Variants in GSE1 observed in about 807,000 individuals in gnomAD.
The protein encoded by GSE1 is Gse1 coiled-coil protein.
GSE1 carries 32 observed loss-of-function variants against 112.6 expected under a neutral mutation model. That is an observed-to-expected ratio of 0.28 (90% confidence interval 0.21 to 0.38). The LOEUF is 0.38. GSE1 is among the 10% of genes least tolerant of loss of function. GSE1 has a pLI of 1.00. For missense variants in GSE1, 2,348 were observed against 1,699.2 expected, an observed-to-expected ratio of 1.38 and a Z score of -6.71; for synonymous variants, 1,115 against 735.6, an observed-to-expected ratio of 1.52 and a Z score of -8.35.
At chr16:85,445,751 G>C (rs1334883643) in intron 2 of GSE1, among the ~76,000 whole-genome samples, 1 of 152,160 alleles carries the variant, frequency 6.6e-6, no homozygotes, top group East Asian at 1.9e-4. Context: ...GCTCCCCCCA[G>C]CCGCCCTGGT....
chr16:85,483,756 G>T (rs529428812), intron 2 of GSE1, among the ~76,000 whole-genome samples: 1 of 152,272 alleles, frequency 6.6e-6, no homozygotes, highest in Non-Finnish European at 1.5e-5. Context: ...CAGCAGGCTC[G>T]GTGCTTGCCG....
chr16:85,478,915 CT>C (rs1287650370), intron 2 of GSE1, among the ~76,000 whole-genome samples: 1 of 51,290 alleles, frequency 1.9e-5, no homozygotes, highest in African/African-American at 1.1e-4. Context: ...TTCTTTCTTT[CT>C]TTCTTTCTTT....
intron 2 of GSE1, among the ~76,000 whole-genome samples, chr16:85,477,044 G>A (rs1428066497): frequency 2.0e-5 from 3 of 150,694 alleles, no homozygotes; most frequent in Admixed American, 1.3e-4. Flanking sequence ...ACCTGCCTCA[G>A]CCTCCCTAGT....
chr16:85,638,286 G>A (rs2050167201), intron 2 of GSE1, among the ~76,000 whole-genome samples: 1 of 152,318 alleles, frequency 6.6e-6, no homozygotes, highest in South Asian at 2.1e-4. Flanking sequence ...CCCTCGCTGG[G>A]ATTTATTTTT....
chr16:85,526,467 G>T (rs912659449), intron 2 of GSE1, among the ~76,000 whole-genome samples: 10 of 152,268 alleles, frequency 6.6e-5, no homozygotes, highest in African/African-American at 2.4e-4. Flanking sequence ...ATCCAGGGCA[G>T]GGTGGTCTGG....
At chr16:85,331,065 G>T (rs569907160) in intron 1 of GSE1, among the ~76,000 whole-genome samples, 83 of 152,194 alleles carry the variant, frequency 5.5e-4, no homozygotes, top group African/African-American at 1.9e-3. Flanking sequence ...CTGAGCTCAG[G>T]CGCTCCTCTG....
In GSE1 at chr16:85,655,011, C is replaced by A. The variant is rs763658999; in HGVS notation, c.797+20C>A. ...CTTCAGGTGAGGCATCCCCCACGCG[C>A]CCTCTCGTCTAGGTGCTGGCCTGTT... is the stretch of plus-strand genomic sequence containing the variant. On this transcript the variant is annotated intron_variant, in intron 5 of 15. Coordinates refer to ENST00000253458, the MANE Select transcript of GSE1 (RefSeq NM_014615.5). The A allele has an allele frequency of 2.0e-6, 3 of 1,474,694 alleles. No homozygotes were observed. Among genetic ancestry groups the A allele is most frequent in the Non-Finnish European group, 2.8e-6 (3 of 1,073,962 alleles). The allele number at this position is 1,474,694 out of a possible 1,614,324, so 91.4% of individuals were successfully genotyped here.
chr16:85,266,126 G>A (rs913578266), intron 1 of GSE1, among the ~76,000 whole-genome samples: 15 of 152,112 alleles, frequency 9.9e-5, no homozygotes, highest in Non-Finnish European at 2.2e-4. Flanking sequence ...CAGGGAGGTG[G>A]GGGAGCGCCC....
intron 1 of GSE1, among the ~76,000 whole-genome samples, chr16:85,326,840 G>C (rs2046237427): frequency 6.6e-6 from 1 of 152,240 alleles, no homozygotes; most frequent in African/African-American, 2.4e-5. Context: ...GTCCCGATCA[G>C]TTTAAGACCC....
intron 1 of GSE1, among the ~76,000 whole-genome samples, chr16:85,183,448 G>T: frequency 6.6e-6 from 1 of 152,188 alleles, no homozygotes; most frequent in East Asian, 1.9e-4. Context: ...TACAGGGTGG[G>T]GTTGGAGAGG....
intron 1 of GSE1, among the ~76,000 whole-genome samples, chr16:85,305,434 G>T (rs575442117): frequency 6.6e-6 from 1 of 151,868 alleles, no homozygotes; most frequent in South Asian, 2.1e-4. Flanking sequence ...GCAGGCATGA[G>T]CCACATGCCC....
At chr16:85,274,697 C>T (rs1223916297) in intron 1 of GSE1, among the ~76,000 whole-genome samples, 2 of 152,220 alleles carry the variant, frequency 1.3e-5, no homozygotes, top group African/African-American at 4.8e-5. Flanking sequence ...GTCCCCCTCT[C>T]GCCAGTGGGA....
chr16:85,339,762 C>T (rs948429592), intron 1 of GSE1, among the ~76,000 whole-genome samples: 2 of 152,090 alleles, frequency 1.3e-5, no homozygotes, highest in African/African-American at 4.8e-5. Flanking sequence ...TGTCTTTATG[C>T]CAGGGGACGG....
At chr16:85,286,304 C>T (rs2045023046) in intron 1 of GSE1, among the ~76,000 whole-genome samples, 1 of 152,228 alleles carries the variant, frequency 6.6e-6, no homozygotes, top group Non-Finnish European at 1.5e-5. Context: ...CCAAGTGACT[C>T]ATTCCAGATG....
rs117296607 is a variant in GSE1, at chr16:85,217,530, G to A, written c.2283+45723G>A. 9.1e-3 allele frequency among the ~76,000 whole-genome samples: 1,384 copies of A among 152,324 alleles called. 10 individuals carry two copies. Among genetic ancestry groups the A allele is most frequent in the Non-Finnish European group, 0.016 (1,059 of 68,018 alleles). On this transcript the variant is annotated intron_variant, in intron 1 of 2. Coordinates refer to the GSE1 transcript ENST00000637419. ...GGGGGATCCCAGGCTCAGAGAGTGC[G>A]TGACTTTCCCAAAGCCACATGGGGA...
chr16:85,423,030 TC>T (rs1340245207), intron 2 of GSE1, among the ~76,000 whole-genome samples: 1 of 152,148 alleles, frequency 6.6e-6, no homozygotes, highest in Non-Finnish European at 1.5e-5. Context: ...GGTCCACACA[TC>T]CCTGCCCAAG....
upstream of GSE1, among the ~76,000 whole-genome samples, chr16:85,551,143 T>C (rs1455099389): frequency 1.3e-5 from 2 of 152,046 alleles, no homozygotes; most frequent in Admixed American, 1.3e-4. Context: ...CTACCTCTTT[T>C]CCATAAATGT....
At chr16:85,288,592 G>A (rs2151436055) in intron 1 of GSE1, among the ~76,000 whole-genome samples, 1 of 152,240 alleles carries the variant, frequency 6.6e-6, no homozygotes, top group East Asian at 1.9e-4. Flanking sequence ...ATCTGAAGGA[G>A]CCTCCCTTCT....
At chr16:85,225,875 G>A (rs1270474713) in intron 1 of GSE1, among the ~76,000 whole-genome samples, 1 of 152,182 alleles carries the variant, frequency 6.6e-6, no homozygotes, top group Non-Finnish European at 1.5e-5. Context: ...TCCCACACAA[G>A]GTGCCCTCAT....
Sources: gnomAD v4.1 joint callset for allele counts (sites outside exome capture counted in the v4.1 genomes callset) on GRCh38, gnomAD v4.1.1 for gene constraint, MANE v1.5 for transcripts, NCBI Gene and HGNC (gene_info 2026-07-23, HGNC 2026-07-21) for gene names.